ADARB2: variants seen among roughly 807,000 people sequenced by gnomAD.
ADARB2 encodes inactive double-stranded RNA-specific editase B2.
In ADARB2, 25 loss-of-function variants were observed where a neutral mutation model predicts 62.2. The ratio of observed to expected loss-of-function variants is 0.40; its 90% CI spans 0.29 to 0.56. The LOEUF (loss-of-function observed/expected upper bound fraction) is 0.56, where lower values mean the gene tolerates loss of function less well. Ranked by LOEUF, ADARB2 falls within the 20% of genes least tolerant of loss-of-function variation. The pLI is 0.43. For missense variants in ADARB2, 1,071 were observed against 1,077.4 expected (o/e 0.99, Z 0.08); for synonymous variants, 572 against 500.8 (o/e 1.14, Z -1.90).
chr10:1,289,142 C>T (rs1258539512), intron 3 of ADARB2, among the ~76,000 whole-genome samples: 1 of 152,194 alleles, frequency 6.6e-6, no homozygotes, highest in Non-Finnish European at 1.5e-5. Context: ...GTCTCCACAC[C>T]CCTTATCCTA....
intron 1 of ADARB2, among the ~76,000 whole-genome samples, chr10:1,685,360 C>T (rs1161297429): frequency 2.6e-5 from 4 of 152,170 alleles, no homozygotes; most frequent in South Asian, 2.1e-4. Flanking sequence ...CCGAGCAACA[C>T]GAATGACTCC....
intron 1 of ADARB2, among the ~76,000 whole-genome samples, chr10:1,467,075 C>A (rs1261203807): frequency 2.0e-5 from 3 of 152,132 alleles, no homozygotes; most frequent in African/African-American, 7.2e-5. Flanking sequence ...TTTCTCTCCC[C>A]TTTCCTGCCA....
At position 1,709,294 on chromosome 10, in the gene ADARB2, G is replaced by A. The variant is rs375082630; in HGVS notation, c.100+27757C>T. Reference sequence around the variant, plus strand: ...CAAGTTCCCTCTGATGAGGGGGAAAGTATTTCTTGCCTAAAGAGGGATGTT... The same window carrying A: ...CAAGTTCCCTCTGATGAGGGGGAAAATATTTCTTGCCTAAAGAGGGATGTT... On this transcript the variant is annotated intron_variant, in intron 1 of 9. Transcript: ENST00000381312. Among the ~76,000 whole-genome samples the A allele has an allele frequency of 6.8e-4, 103 of 152,344 alleles. 2 individuals carry two copies. Among genetic ancestry groups the A allele is most frequent in the Non-Finnish European group, 3.4e-4 (23 of 68,032 alleles).
intron 2 of ADARB2, among the ~76,000 whole-genome samples, chr10:1,377,630 T>C (rs1353292082): frequency 6.6e-6 from 1 of 152,044 alleles, no homozygotes; most frequent in African/African-American, 2.4e-5. Context: ...CTGGAAATTT[T>C]CCAGTTTGGG....
intron 2 of ADARB2, among the ~76,000 whole-genome samples, chr10:1,371,693 T>G (rs978343091): frequency 6.7e-6 from 1 of 149,174 alleles, no homozygotes; most frequent in Non-Finnish European, 1.5e-5. Context: ...AACAAACATA[T>G]GATAAAATGC....
chr10:1,510,110 C>CTTTCTTTCTTTCTTTTTTCTT (rs1289777469), intron 1 of ADARB2, among the ~76,000 whole-genome samples: 25 of 106,252 alleles, frequency 2.4e-4, no homozygotes, highest in African/African-American at 7.2e-4. Flanking sequence ...CTTTCTTTCT[C>CTTTCTTTCTTTCTTTTTTCTT]TCTTTCTTTC....
chr10:1,578,199 G>A (rs1046325902), intron 1 of ADARB2, among the ~76,000 whole-genome samples: 3 of 152,264 alleles, frequency 2.0e-5, no homozygotes, highest in Non-Finnish European at 2.9e-5. Context: ...AGCACTTCCC[G>A]CAGCGGAACA....
chr10:1,734,296 G>T (rs374016390), intron 1 of ADARB2, among the ~76,000 whole-genome samples: 81 of 130,760 alleles, frequency 6.2e-4, no homozygotes, highest in Middle Eastern at 4.3e-3. Flanking sequence ...TGACGAAGGT[G>T]TTTTTTTTTT....
rs1836702413 is a variant in ADARB2, at chr10:1,183,134, C to A, written c.*59G>T. 5 of 1,571,268 alleles carry A rather than the reference C, an allele frequency of 3.2e-6. No homozygotes were observed. The highest frequency in any genetic ancestry group is 2.3e-5 in the South Asian group (2 of 87,644). On this transcript the variant is annotated 3_prime_UTR_variant, in exon 10 of 10. Coordinates refer to ENST00000381312, the MANE Select transcript of ADARB2 (RefSeq NM_018702.4). ...CCGGCCGACCCGCCACGTCGCCCCC[C>A]AGACACGGTCCCATCCCTCCAGCGT...
At chr10:1,444,645 C>T (rs529270200) in intron 1 of ADARB2, among the ~76,000 whole-genome samples, 1 of 151,220 alleles carries the variant, frequency 6.6e-6, no homozygotes, top group East Asian at 2.0e-4. Context: ...TCTATCCATC[C>T]ACCCACCCAT....
chr10:1,611,787 TTG>T (rs1454658628), intron 1 of ADARB2, among the ~76,000 whole-genome samples: 1 of 152,208 alleles, frequency 6.6e-6, no homozygotes, highest in Non-Finnish European at 1.5e-5. Context: ...GAGATTTTTT[TTG>T]TGTCTCTCTT....
intron 1 of ADARB2, among the ~76,000 whole-genome samples, chr10:1,552,803 C>T (rs1034676670): frequency 5.3e-5 from 8 of 152,180 alleles, no homozygotes; most frequent in South Asian, 2.1e-4. Context: ...CTGGTCCTGC[C>T]GGACACTCAC....
chr10:1,219,044 C>T (rs1202460380), intron 6 of ADARB2, among the ~76,000 whole-genome samples: 8 of 89,362 alleles, frequency 9.0e-5, no homozygotes, highest in East Asian at 2.9e-4. Context: ...AGCAAGACTA[C>T]GTCTCAAAAA....
At chr10:1,272,015 A>G (rs1831267778) in intron 3 of ADARB2, among the ~76,000 whole-genome samples, 1 of 152,238 alleles carries the variant, frequency 6.6e-6, no homozygotes, top group African/African-American at 2.4e-5. Context: ...TAAATGCAAT[A>G]CGGTGTCTTA....
At position 1,398,730 on chromosome 10, in the gene ADARB2, T is replaced by C. The variant is rs996452198; in HGVS notation, c.101-19570A>G. 2.0e-5 allele frequency among the ~76,000 whole-genome samples: 3 copies of C among 152,222 alleles called. No homozygotes were observed. Among genetic ancestry groups the C allele is most frequent in the African/African-American group, 7.2e-5 (3 of 41,460 alleles). ...GATGGAGAAGAGACTTTCGTGCCTC[T>C]GACCCTCAAATTACCCAGCTCTCGG... On this transcript the variant is annotated intron_variant, in intron 1 of 9. Transcript: ENST00000381312. The surrounding 1 kb of genome is among the most constrained non-coding windows in gnomAD (Gnocchi z 4.1).
At chr10:1,612,448 ATGT>A (rs1448115685) in intron 1 of ADARB2, among the ~76,000 whole-genome samples, 2 of 152,254 alleles carry the variant, frequency 1.3e-5, no homozygotes, top group Non-Finnish European at 2.9e-5. Context: ...TGGTCATGAA[ATGT>A]TGTTGAAACA....
intron 1 of ADARB2, among the ~76,000 whole-genome samples, chr10:1,617,430 A>C (rs75803615): frequency 0.44 from 14,887 of 33,706 alleles, 4,821 homozygotes; most frequent in African/African-American, 0.63. Flanking sequence ...GCTCTGCCTC[A>C]TGGGAACTGA....
chr10:1,201,358 A>G (rs1390850385), intron 7 of ADARB2, among the ~76,000 whole-genome samples: 7 of 147,516 alleles, frequency 4.7e-5, no homozygotes, highest in African/African-American at 1.7e-4. Context: ...TAGTCCTACA[A>G]TTTAAACAGT....
At chr10:1,432,419 C>T in intron 1 of ADARB2, among the ~76,000 whole-genome samples, 1 of 151,716 alleles carries the variant, frequency 6.6e-6, no homozygotes, top group East Asian at 1.9e-4. Context: ...AAGCTCACGC[C>T]CCTAATTCTC....
Sources: allele counts gnomAD v4.1 joint callset (sites outside exome capture counted in the v4.1 genomes callset), GRCh38; gene constraint gnomAD v4.1.1; non-coding constraint Gnocchi (gnomAD v3.1); transcripts MANE v1.5; gene names NCBI Gene and HGNC (gene_info 2026-07-23, HGNC 2026-07-21).